Variants in ABCB7 observed in about 807,000 individuals in gnomAD.
ABCB7 encodes iron-sulfur clusters transporter ABCB7, mitochondrial.
A neutral mutation model predicts 54.4 loss-of-function variants in ABCB7; 7 were observed. That is an observed-to-expected ratio of 0.13 (90% CI 0.07 to 0.24). The LOEUF is 0.24. Among genes scored for constraint, ABCB7 ranks in the 10% least tolerant of loss-of-function variants. The probability of loss-of-function intolerance (pLI) is 1.00; values close to 1 mark genes in which losing one functional copy is unlikely to be tolerated. For missense variants in ABCB7, 356 were observed against 570.4 expected (o/e 0.62, Z 3.83); for synonymous variants, 218 against 207.1 (o/e 1.05, Z -0.45).
At chrX:75,072,736 AAATT>A (rs1013579887) in intron 8 of ABCB7, among the ~76,000 whole-genome samples, 1 of 111,220 alleles carries the variant, frequency 9.0e-6, no homozygotes, top group Non-Finnish European at 1.9e-5. Context: ...AGGCTACACT[AAATT>A]TATTTAATAT....
intron 1 of ABCB7, among the ~76,000 whole-genome samples, chrX:75,148,329 C>A (rs1289486828): frequency 5.4e-5 from 6 of 110,433 alleles, no homozygotes; most frequent in African/African-American, 1.6e-4. Context: ...GTCTGTGTAT[C>A]CATAATAGCA....
At chrX:75,135,160 T>C (rs1248374717) in intron 1 of ABCB7, among the ~76,000 whole-genome samples, 13 of 106,731 alleles carry the variant, frequency 1.2e-4, no homozygotes, top group African/African-American at 4.4e-4. Context: ...ACCCCGCAGA[T>C]ATTAAAAAAA....
intron 4 of ABCB7, among the ~76,000 whole-genome samples, chrX:75,094,967 T>C (rs1351200970): frequency 1.8e-5 from 2 of 110,449 alleles, no homozygotes; most frequent in Non-Finnish European, 3.8e-5. Context: ...ATCCCCTCTC[T>C]TAGTCTACTC....
chrX:75,115,379 A>T (rs1487546410), intron 1 of ABCB7, among the ~76,000 whole-genome samples: 2 of 72,242 alleles, frequency 2.8e-5, no homozygotes, highest in Non-Finnish European at 5.2e-5. Context: ...CTTTCTTTTC[A>T]TCCCCTTTCT....
At chrX:75,102,481 A>G (rs895077165) in intron 3 of ABCB7, among the ~76,000 whole-genome samples, 7 of 111,554 alleles carry the variant, frequency 6.3e-5, no homozygotes, top group Non-Finnish European at 1.3e-4. Flanking sequence ...AGTTCCATCC[A>G]TGTCGCTGCA....
intron 3 of ABCB7, among the ~76,000 whole-genome samples, chrX:75,105,296 C>T (rs1345505750): frequency 9.0e-6 from 1 of 111,162 alleles, no homozygotes; most frequent in Non-Finnish European, 1.9e-5. Flanking sequence ...CAAAAGGGTC[C>T]TAGATTTGAT....
chrX:75,122,076 G>C (rs1023919315), intron 1 of ABCB7, among the ~76,000 whole-genome samples: 1 of 111,557 alleles, frequency 9.0e-6, no homozygotes, highest in African/African-American at 3.3e-5. Context: ...TCTTGAGCAG[G>C]GGCTTGGTAA....
rs1160024642 is a variant in ABCB7, at chrX:75,115,266, C to CAAAAAAA, written c.169-442_169-436dup. The stretch of plus-strand genomic sequence containing the variant: ...CTGGCAACAGAGCGAGACTCTGTCT[C>CAAAAAAA]AAAAAAAAAAAAAAAAAAAAAAAAA... On this transcript the variant is annotated intron_variant, in intron 1 of 15. Coordinates refer to ENST00000373394, the MANE Select transcript of ABCB7 (RefSeq NM_001271696.3). 1.7e-3 allele frequency among the ~76,000 whole-genome samples: 23 copies of CAAAAAAA among 13,246 alleles called. 1 individual carries two copies. The highest frequency in any genetic ancestry group is 6.5e-3 in the African/African-American group (20 of 3,077). The allele number at this position is 13,246 out of a possible 115,157, so 11.5% of individuals were successfully genotyped here.
chrX:75,145,720 T>C (rs1215682123), intron 1 of ABCB7, among the ~76,000 whole-genome samples: 2 of 111,313 alleles, frequency 1.8e-5, no homozygotes, highest in African/African-American at 3.3e-5. Flanking sequence ...CAACACAGTA[T>C]TGGAAGTTCT....
Position 75,075,537 on chromosome X carries a change from T to A in ABCB7, c.680A>T (p.Lys227Ile). The A allele has an allele frequency of 3.3e-6, 4 of 1,211,173 alleles. No homozygotes were observed. The highest frequency in any genetic ancestry group is 4.5e-6 in the Non-Finnish European group (4 of 895,155). ...GTTGTGAAGATGGAGAAAGACATTT[T>A]TGGCTATTCTTCGGATTGAATTCTG... is the stretch of plus-strand genomic sequence containing the variant. Reference protein sequence around the residue: ...VAQNSIRRIAKNVFLHLHNLD... With the variant: ...VAQNSIRRIAINVFLHLHNLD... Residue 227 changes from lysine (K) to isoleucine (I), a missense_variant, in exon 6 of 16, where the codon AAA (lysine) becomes ATA (isoleucine). Physicochemically the swap from Lys to Ile is moderately radical, Grantham distance 102. Transcript: ENST00000373394.
chrX:75,069,263 G>C (rs2147461814), intron 11 of ABCB7, 28 bp downstream of exon 11: 2 of 1,206,722 alleles, frequency 1.7e-6, no homozygotes, highest in East Asian at 5.9e-5. Context: ...CTATAATACA[G>C]AATTTTACAA....
intron 4 of ABCB7, among the ~76,000 whole-genome samples, chrX:75,092,626 C>T (rs2081553660): frequency 9.0e-6 from 1 of 111,401 alleles, no homozygotes; most frequent in Non-Finnish European, 1.9e-5. Context: ...AATAAGATGA[C>T]AAGCCACAGA....
At chrX:75,100,210 C>A (rs1214739752) in intron 3 of ABCB7, among the ~76,000 whole-genome samples, 61 of 110,822 alleles carry the variant, frequency 5.5e-4, no homozygotes, top group Non-Finnish European at 7.6e-5. Flanking sequence ...GCGTAAACCA[C>A]TGCAACAATC....
At chrX:75,152,669 C>CT (rs1181458749) in intron 1 of ABCB7, among the ~76,000 whole-genome samples, 12 of 97,773 alleles carry the variant, frequency 1.2e-4, no homozygotes, top group South Asian at 4.8e-4. Context: ...TTTTTTTTTT[C>CT]TTTTTTTTGA....
At chrX:75,126,248 C>G (rs1334097067) in intron 1 of ABCB7, among the ~76,000 whole-genome samples, 1 of 111,727 alleles carries the variant, frequency 9.0e-6, no homozygotes, top group African/African-American at 3.2e-5. Flanking sequence ...ATGTTGTACA[C>G]AACAAAATTT....
chrX:75,057,219 T>C (rs1422028685), intron 15 of ABCB7, among the ~76,000 whole-genome samples: 2 of 111,847 alleles, frequency 1.8e-5, no homozygotes, highest in East Asian at 2.8e-4. Context: ...CTTTAGTTTC[T>C]AGTTTATCCT....
chrX:75,156,050 T>A (rs1171642604), intron 1 of ABCB7, 55 bp downstream of exon 1: 26 of 1,183,954 alleles, frequency 2.2e-5, no homozygotes, highest in Non-Finnish European at 3.0e-5. Context: ...GGCAACCTTT[T>A]CCCTACAGGT....
chrX:75,132,277 A>C (rs2081979982), intron 1 of ABCB7, among the ~76,000 whole-genome samples: 1 of 112,003 alleles, frequency 8.9e-6, no homozygotes, highest in Non-Finnish European at 1.9e-5. Context: ...CCTATGAAGA[A>C]GAGGCCACAA....
rs192005529 is a variant in ABCB7 at position 75,156,251 on chromosome X, A to T, written c.22T>A (p.Ser8Thr). 1 of 1,204,095 alleles carries T rather than the reference A, an allele frequency of 8.3e-7. No individual in the cohort carries two copies. The highest frequency in any genetic ancestry group is 2.2e-5 in the Admixed American group (1 of 45,361). MALLAMH[S>T]WRWAAAAAAF... ...GCCGCCGCGGCCGCCCAGCGCCAAG[A>T]ATGCATCGCGAGCAGCGCCATCTTG... Residue 8 changes from serine (S) to threonine (T), a missense_variant, in exon 1 of 16, where the codon TCT (serine) becomes ACT (threonine). Transcript: ENST00000373394.
Sources: gnomAD v4.1 joint callset for allele counts (sites outside exome capture counted in the v4.1 genomes callset) on GRCh38, gnomAD v4.1.1 for gene constraint, MANE v1.5 for transcripts, NCBI Gene and HGNC (gene_info 2026-07-23, HGNC 2026-07-21) for gene names.